EXOC6: variants seen among roughly 807,000 people sequenced by gnomAD.
EXOC6 encodes the protein SEC15-like 1.
EXOC6 carries 60 observed loss-of-function variants against 112.5 expected under a neutral mutation model. That is an observed-to-expected ratio of 0.53 (90% CI 0.43 to 0.66). EXOC6 has a LOEUF of 0.66. EXOC6 is among the 30% of genes least tolerant of loss of function. EXOC6 has a pLI of 0.00. For synonymous variants in EXOC6, 295 were observed against 308.0 expected (o/e 0.96, Z 0.44); for missense variants, 855 against 957.1 (o/e 0.89, Z 1.41).
At chr10:92,945,544 A>G (rs1198724349) in intron 13 of EXOC6, among the ~76,000 whole-genome samples, 4 of 152,218 alleles carry the variant, frequency 2.6e-5, no homozygotes, top group African/African-American at 9.6e-5. Context: ...ATTTGGTTCT[A>G]TAAACAGATC....
At chr10:92,993,283 TAC>T (rs1374907965) in intron 18 of EXOC6, among the ~76,000 whole-genome samples, 1 of 152,176 alleles carries the variant, frequency 6.6e-6, no homozygotes, top group African/African-American at 2.4e-5. Context: ...TAGTTTATTG[TAC>T]AAAGTTAACC....
chr10:92,971,778 T>C (rs1842308412), intron 17 of EXOC6, among the ~76,000 whole-genome samples: 1 of 152,252 alleles, frequency 6.6e-6, no homozygotes, highest in South Asian at 2.1e-4. Flanking sequence ...TTTTGTCTTA[T>C]AAGTTCAACA....
At chr10:92,866,822 G>T (rs1251091593) in intron 1 of EXOC6, among the ~76,000 whole-genome samples, 1 of 152,026 alleles carries the variant, frequency 6.6e-6, no homozygotes, top group African/African-American at 2.4e-5. Flanking sequence ...AAATGTTTTT[G>T]AGTTAGTTTC....
intron 11 of EXOC6, among the ~76,000 whole-genome samples, chr10:92,934,838 G>T (rs923201152): frequency 3.3e-5 from 5 of 151,918 alleles, no homozygotes; most frequent in Non-Finnish European, 7.4e-5. Context: ...CTATAATAAT[G>T]AATTTCTTTA....
chr10:93,056,172 G>C (rs536674467), intron 20 of EXOC6, among the ~76,000 whole-genome samples: 1 of 152,316 alleles, frequency 6.6e-6, no homozygotes, highest in South Asian at 2.1e-4. Flanking sequence ...AAAGAGTTTG[G>C]TGCTTAGGTT....
chr10:92,853,435 C>A (rs1589700272), intron 1 of EXOC6, among the ~76,000 whole-genome samples: 1 of 152,058 alleles, frequency 6.6e-6, no homozygotes, highest in Admixed American at 6.6e-5. Flanking sequence ...CCTAGATTAG[C>A]CAAACTAACT....
chr10:92,965,347 C>A (rs1356699998), intron 17 of EXOC6, among the ~76,000 whole-genome samples: 1 of 152,102 alleles, frequency 6.6e-6, no homozygotes, highest in Non-Finnish European at 1.5e-5. Flanking sequence ...ATATTTAATT[C>A]TTACACATTG....
chr10:92,929,157 AG>A (rs1479770472), intron 9 of EXOC6, among the ~76,000 whole-genome samples: 3 of 152,246 alleles, frequency 2.0e-5, no homozygotes, highest in Non-Finnish European at 4.4e-5. Context: ...AAGGATTTAA[AG>A]CCCCATTATT....
intron 1 of EXOC6, among the ~76,000 whole-genome samples, chr10:92,858,891 A>G (rs1847758351): frequency 6.6e-6 from 1 of 151,944 alleles, no homozygotes. Context: ...TCAGCCTCCC[A>G]AGTACCTGGA....
chr10:93,023,276 C>A (rs948715973), intron 20 of EXOC6, among the ~76,000 whole-genome samples: 1 of 152,062 alleles, frequency 6.6e-6, no homozygotes, highest in Non-Finnish European at 1.5e-5. Flanking sequence ...CAAGTATGAG[C>A]TGATACAAGA....
intron 1 of EXOC6, among the ~76,000 whole-genome samples, chr10:92,855,736 C>G (rs112406254): frequency 1.3e-5 from 2 of 152,038 alleles, no homozygotes; most frequent in African/African-American, 4.8e-5. Context: ...AACATTCTCT[C>G]TTTTGTTCTT....
intron 20 of EXOC6, among the ~76,000 whole-genome samples, chr10:93,014,592 A>C (rs1844414984): frequency 6.6e-6 from 1 of 152,210 alleles, no homozygotes; most frequent in African/African-American, 2.4e-5. Context: ...TCTCATGGTC[A>C]TATATGAAAA....
intron 5 of EXOC6, among the ~76,000 whole-genome samples, chr10:92,903,388 A>G (rs953636331): frequency 1.4e-5 from 2 of 145,852 alleles, no homozygotes; most frequent in African/African-American, 2.6e-5. Flanking sequence ...TTTTTTTTTT[A>G]CCATCAGTGA....
At chr10:92,871,653 A>G (rs1167394051) in intron 1 of EXOC6, among the ~76,000 whole-genome samples, 1 of 151,994 alleles carries the variant, frequency 6.6e-6, no homozygotes, top group East Asian at 1.9e-4. Flanking sequence ...CTAAAAATAC[A>G]AAAATTAGCT....
At chr10:92,961,644 GA>G (rs1422858271) in intron 17 of EXOC6, among the ~76,000 whole-genome samples, 5 of 149,544 alleles carry the variant, frequency 3.3e-5, no homozygotes, top group Admixed American at 2.7e-4. Flanking sequence ...AACAAAAGAG[GA>G]GGATCAACAA....
upstream of EXOC6, among the ~76,000 whole-genome samples, chr10:92,832,692 C>CT (rs11396161): frequency 0.75 from 109,417 of 145,370 alleles, 41,785 homozygotes; most frequent in East Asian, 0.98. Flanking sequence ...ACATAAAGAA[C>CT]TTTTTTTTTT....
At chr10:92,899,856 G>T in intron 5 of EXOC6, 1 of 438,854 alleles carries the variant, frequency 2.3e-6, no homozygotes, top group South Asian at 4.0e-5. Context: ...TGATATCAAG[G>T]ATTGGTAATG....
intron 6 of EXOC6, among the ~76,000 whole-genome samples, chr10:92,912,987 C>T (rs551268592): frequency 2.6e-5 from 4 of 152,290 alleles, no homozygotes; most frequent in African/African-American, 7.2e-5. Context: ...CCTGACTGCA[C>T]GTCCATTCAT....
chr10:93,046,042 A>G (rs1313430388), intron 20 of EXOC6, among the ~76,000 whole-genome samples: 1 of 152,244 alleles, frequency 6.6e-6, no homozygotes, highest in Non-Finnish European at 1.5e-5. Context: ...ACATAGCCCT[A>G]TTATCAGTAT....
Sources: gnomAD v4.1 joint callset for allele counts (sites outside exome capture counted in the v4.1 genomes callset) on GRCh38, gnomAD v4.1.1 for gene constraint, MANE v1.5 for transcripts, NCBI Gene and HGNC (gene_info 2026-07-23, HGNC 2026-07-21) for gene names.